The following ST3GAL3 variants were observed in gnomAD, a reference collection of about 807,000 sequenced individuals.
The protein encoded by ST3GAL3 is ST3 beta-galactoside alpha-2,3-sialyltransferase 3.
ST3GAL3 carries 21 observed loss-of-function variants against 50.1 expected under a neutral mutation model. The ratio of observed to expected loss-of-function variants is 0.42; its 90% CI spans 0.30 to 0.60. The LOEUF (loss-of-function observed/expected upper bound fraction) is 0.60. Ranked by LOEUF, ST3GAL3 falls within the 20% of genes least tolerant of loss-of-function variation. The probability of loss-of-function intolerance (pLI) is 0.19; values close to 1 mark genes in which losing one functional copy is unlikely to be tolerated. For missense variants in ST3GAL3, 353 were observed against 489.4 expected (o/e 0.72, Z 2.63); for synonymous variants, 183 against 190.0 (o/e 0.96, Z 0.30).
intron 2 of ST3GAL3, among the ~76,000 whole-genome samples, chr1:43,752,958 C>T (rs1686725545): frequency 6.6e-6 from 1 of 152,192 alleles, no homozygotes; most frequent in Admixed American, 6.5e-5. Context: ...CATATTTGAA[C>T]AGTAACTCAT....
At chr1:43,809,109 C>T (rs1004772849) in intron 3 of ST3GAL3, among the ~76,000 whole-genome samples, 24 of 151,602 alleles carry the variant, frequency 1.6e-4, no homozygotes, top group African/African-American at 5.3e-4. Flanking sequence ...CAAGGCAATT[C>T]GGAAAAGCAT....
chr1:43,784,222 C>G (rs1055435932), intron 2 of ST3GAL3, among the ~76,000 whole-genome samples: 1 of 152,016 alleles, frequency 6.6e-6, no homozygotes, highest in African/African-American at 2.4e-5. Flanking sequence ...TGCATCTAAA[C>G]GACAGGCCAG....
At chr1:43,749,209 T>C (rs1478022666) in intron 2 of ST3GAL3, among the ~76,000 whole-genome samples, 4 of 152,226 alleles carry the variant, frequency 2.6e-5, no homozygotes, top group Non-Finnish European at 5.9e-5. Context: ...CAATTTTAAG[T>C]GGATCGTAGA....
At chr1:43,817,596 TC>T (rs1174957557) in intron 4 of ST3GAL3, among the ~76,000 whole-genome samples, 41 of 123,636 alleles carry the variant, frequency 3.3e-4, no homozygotes, top group Admixed American at 2.0e-3. Flanking sequence ...CTTCTCCTCC[TC>T]CCTTCTCCTT....
At chr1:43,747,926 C>T (rs1684487115) in intron 2 of ST3GAL3, among the ~76,000 whole-genome samples, 1 of 152,004 alleles carries the variant, frequency 6.6e-6, no homozygotes, top group African/African-American at 2.4e-5. Flanking sequence ...GCAGGATTGA[C>T]TAAATCACTG....
chr1:43,908,891 C>T (rs1215861637), intron 9 of ST3GAL3, among the ~76,000 whole-genome samples: 1 of 152,204 alleles, frequency 6.6e-6, no homozygotes, highest in African/African-American at 2.4e-5. Flanking sequence ...CTCAGCCTCC[C>T]AAAGTGCTGG....
intron 1 of ST3GAL3, among the ~76,000 whole-genome samples, chr1:43,726,553 C>T (rs1673000988): frequency 6.6e-6 from 1 of 152,078 alleles, no homozygotes; most frequent in South Asian, 2.1e-4. Flanking sequence ...TCCCAAAGTG[C>T]TAGTATTACA....
chr1:43,770,224 G>A (rs1049034943), intron 2 of ST3GAL3, among the ~76,000 whole-genome samples: 6 of 74,532 alleles, frequency 8.1e-5, no homozygotes, highest in Non-Finnish European at 1.9e-4. Flanking sequence ...GGAGAGGAGA[G>A]GGGAGGGGAG....
chr1:43,788,627 G>A (rs2057652070), intron 2 of ST3GAL3, among the ~76,000 whole-genome samples: 1 of 152,174 alleles, frequency 6.6e-6, no homozygotes, highest in African/African-American at 2.4e-5. Context: ...ATATCACTCA[G>A]ATAACATCAC....
chr1:43,793,731 A>G (rs1268875492), intron 3 of ST3GAL3, among the ~76,000 whole-genome samples: 1 of 152,214 alleles, frequency 6.6e-6, no homozygotes, highest in African/African-American at 2.4e-5. Flanking sequence ...AAGATTGGTC[A>G]TTTTATTACA....
At chr1:43,820,375 T>C (rs995299392) in intron 4 of ST3GAL3, among the ~76,000 whole-genome samples, 1 of 152,164 alleles carries the variant, frequency 6.6e-6, no homozygotes, top group African/African-American at 2.4e-5. Context: ...GGACATACCC[T>C]TCTCATCATT....
intron 3 of ST3GAL3, among the ~76,000 whole-genome samples, chr1:43,812,257 G>GT (rs1342291113): frequency 3.3e-5 from 5 of 152,086 alleles, no homozygotes; most frequent in Non-Finnish European, 7.4e-5. Context: ...AAAAAAATCT[G>GT]AAGATGTGGT....
chr1:43,863,723 C>T (rs1259297106), intron 5 of ST3GAL3, among the ~76,000 whole-genome samples: 1 of 152,128 alleles, frequency 6.6e-6, no homozygotes, highest in Non-Finnish European at 1.5e-5. Flanking sequence ...CCCACAGAGG[C>T]CCCAGTCTGG....
At chr1:43,752,861 A>G (rs533215229) in intron 2 of ST3GAL3, among the ~76,000 whole-genome samples, 122 of 152,312 alleles carry the variant, frequency 8.0e-4, no homozygotes, top group Non-Finnish European at 1.3e-3. Context: ...TTCACTTTTC[A>G]GTAGAGAAAG....
chr1:43,905,433 T>C, intron 9 of ST3GAL3, among the ~76,000 whole-genome samples: 1 of 100,456 alleles, frequency 1.0e-5, no homozygotes, highest in African/African-American at 4.0e-5. Context: ...TTCCTCCCCC[T>C]CGTCCTGCTC....
chr1:43,710,695 T>C (rs1664276008), intron 1 of ST3GAL3, among the ~76,000 whole-genome samples: 1 of 152,378 alleles, frequency 6.6e-6, no homozygotes, highest in South Asian at 2.1e-4. Flanking sequence ...TCTTTGCTCA[T>C]GTTGGCTTTT....
intron 1 of ST3GAL3, among the ~76,000 whole-genome samples, chr1:43,719,820 C>T (rs981848538): frequency 6.6e-6 from 1 of 150,704 alleles, no homozygotes; most frequent in African/African-American, 2.4e-5. Flanking sequence ...GTAATCCCAG[C>T]TACTCTGGAG....
At chr1:43,862,230 C>T (rs2070170880) in intron 5 of ST3GAL3, among the ~76,000 whole-genome samples, 1 of 152,206 alleles carries the variant, frequency 6.6e-6, no homozygotes, top group African/African-American at 2.4e-5. Flanking sequence ...TCTGTCCTCA[C>T]ATTCTCCACC....
chr1:43,761,212 C>T (rs573383906), intron 2 of ST3GAL3, among the ~76,000 whole-genome samples: 1 of 152,174 alleles, frequency 6.6e-6, no homozygotes, highest in South Asian at 2.1e-4. Flanking sequence ...CCTGGGAATT[C>T]TTGTAAGATT....
Sources: allele counts gnomAD v4.1 joint callset (sites outside exome capture counted in the v4.1 genomes callset), GRCh38; gene constraint gnomAD v4.1.1; transcripts MANE v1.5; gene names NCBI Gene and HGNC (gene_info 2026-07-23, HGNC 2026-07-21).